The following TRAP1 variants were observed in gnomAD, a reference collection of about 807,000 sequenced individuals.
TRAP1 encodes heat shock protein 75 kDa, mitochondrial.
In TRAP1, 102 loss-of-function variants were observed where a neutral mutation model predicts 89.1. The ratio of observed to expected loss-of-function variants is 1.15; its 90% CI spans 0.98 to 1.35. The LOEUF (loss-of-function observed/expected upper bound fraction) is 1.35, where lower values mean the gene tolerates loss of function less well. Among genes scored for constraint, TRAP1 ranks in the 40% most tolerant of loss-of-function variants. TRAP1 has a pLI of 0.00. For synonymous variants in TRAP1, 508 were observed against 388.0 expected, an observed-to-expected ratio of 1.31 and a Z score of -3.64; for missense variants, 1,256 against 945.3, an observed-to-expected ratio of 1.33 and a Z score of -4.31.
intron 1 of TRAP1, among the ~76,000 whole-genome samples, chr16:3,713,747 A>C (rs1472031171): frequency 6.6e-6 from 1 of 152,150 alleles, no homozygotes; most frequent in Non-Finnish European, 1.5e-5. Context: ...TCTGCTGTTG[A>C]TCTTTCCAGG....
chr16:3,711,160 G>A (rs2051526617), intron 1 of TRAP1, among the ~76,000 whole-genome samples: 1 of 151,976 alleles, frequency 6.6e-6, no homozygotes, highest in South Asian at 2.1e-4. Flanking sequence ...ACAAGCATGA[G>A]CTACCAGGCC....
chr16:3,680,440 G>C (rs912942624), intron 4 of TRAP1, among the ~76,000 whole-genome samples: 1 of 152,222 alleles, frequency 6.6e-6, no homozygotes, highest in Non-Finnish European at 1.5e-5. Context: ...TGTGGTTCTG[G>C]GGAACAGTGA....
At chr16:3,691,961 C>T (rs190687039) in intron 1 of TRAP1, among the ~76,000 whole-genome samples, 87 of 152,160 alleles carry the variant, frequency 5.7e-4, no homozygotes, top group Admixed American at 4.6e-4. Context: ...CGCAGTTCAC[C>T]GACGCAGGCC....
rs144464337 is a variant in TRAP1, at chr16:3,658,039, G to A, written c.*90C>T. 1.7e-4 allele frequency: 268 copies of A among 1,607,568 alleles called. 1 individual carries two copies. Among genetic ancestry groups the A allele is most frequent in the Non-Finnish European group, 2.1e-4 (244 of 1,176,156 alleles). On this transcript the variant is annotated 3_prime_UTR_variant, in exon 18 of 18. Coordinates refer to ENST00000246957, the MANE Select transcript of TRAP1 (RefSeq NM_016292.3). ...CAGAAAAAAAGCCCAACACACACTC[G>A]GGTTAAGAAATACCTTTAAATTTAG...
Position 3,686,570 on chromosome 16 carries a change from G to A in TRAP1, c.331-434C>T, listed in dbSNP as rs569071263. On this transcript the variant is annotated intron_variant, in intron 3 of 17. Coordinates refer to ENST00000246957, the MANE Select transcript of TRAP1 (RefSeq NM_016292.3). Reference sequence around the variant, plus strand: ...AGGCTCAAGTGATCGTTGTGCCTCCGCCTCCCAAAGTGTTGGGATTACAGA... The same window carrying A: ...AGGCTCAAGTGATCGTTGTGCCTCCACCTCCCAAAGTGTTGGGATTACAGA... Among the ~76,000 whole-genome samples the A allele has an allele frequency of 2.0e-4, 31 of 152,268 alleles. 1 individual carries two copies. The highest frequency in any genetic ancestry group is 6.2e-4 in the South Asian group (3 of 4,820).
intron 5 of TRAP1, 80 bp downstream of exon 5, chr16:3,679,639 G>A (rs1034577821): frequency 6.9e-7 from 1 of 1,444,064 alleles, no homozygotes; most frequent in Admixed American, 1.7e-5. Context: ...TACTTAATCT[G>A]GCACCCAGGG....
intron 4 of TRAP1, among the ~76,000 whole-genome samples, chr16:3,684,161 ACT>A (rs2051109457): frequency 1.3e-5 from 2 of 151,988 alleles, no homozygotes; most frequent in African/African-American, 4.8e-5. Flanking sequence ...ATAAAATGAG[ACT>A]CTGTCTCAAA....
chr16:3,691,991 C>T (rs989755689), intron 1 of TRAP1, among the ~76,000 whole-genome samples: 3 of 152,142 alleles, frequency 2.0e-5, no homozygotes, highest in African/African-American at 7.2e-5. Context: ...GACACTTTCA[C>T]TCCAACACAG....
rs577251188 is a variant in TRAP1, at chr16:3,665,843, G to GGCAGCA, written c.1383+122_1383+127dup. The GGCAGCA allele has an allele frequency of 1.5e-3, 1,786 of 1,205,632 alleles. 35 individuals are homozygous for GGCAGCA. In the South Asian group the frequency reaches 0.026, roughly 18 times the overall value. 74.7% of individuals were successfully genotyped at this position (1,205,632 alleles called of 1,614,324 possible). ...TGGCCTTCCATTTCCTGACCCTGGT[G>GGCAGCA]GCAGCAGCAGCAGCAGCCAGGGTAC... On this transcript the variant is annotated intron_variant, in intron 12 of 17. Coordinates refer to ENST00000246957, the MANE Select transcript of TRAP1 (RefSeq NM_016292.3).
chr16:3,671,601 G>C, intron 11 of TRAP1, 121 bp downstream of exon 11: 1 of 1,069,586 alleles, frequency 9.3e-7, no homozygotes, highest in Non-Finnish European at 1.4e-6. Context: ...TGTGCAGGCC[G>C]GGCTTCCCCG....
chr16:3,710,861 A>G (rs1467082917), intron 1 of TRAP1, among the ~76,000 whole-genome samples: 5 of 130,954 alleles, frequency 3.8e-5, no homozygotes, highest in South Asian at 2.3e-4. Flanking sequence ...GTGTGTGTAT[A>G]TATATATATA....
chr16:3,699,098 T>G (rs116252659), intron 1 of TRAP1, among the ~76,000 whole-genome samples: 3,631 of 152,110 alleles, frequency 0.024, 125 homozygotes, highest in African/African-American at 0.079. Context: ...CACTGATAGT[T>G]TGAATGTGAC....
intron 1 of TRAP1, among the ~76,000 whole-genome samples, chr16:3,715,221 G>C (rs1435585955): frequency 6.6e-6 from 1 of 152,150 alleles, no homozygotes; most frequent in Non-Finnish European, 1.5e-5. Flanking sequence ...GGCGGATCAC[G>C]AGGTCAGGAG....
At chr16:3,672,616 G>C (rs1004870923) in intron 10 of TRAP1, 84 bp downstream of exon 10, 29 of 1,480,230 alleles carry the variant, frequency 2.0e-5, no homozygotes, top group Non-Finnish European at 2.6e-5. Flanking sequence ...GGGCTGCTGA[G>C]AATGGAATCA....
chr16:3,713,285 C>A (rs1382686482), intron 1 of TRAP1, among the ~76,000 whole-genome samples: 5 of 152,182 alleles, frequency 3.3e-5, no homozygotes, highest in African/African-American at 1.2e-4. Flanking sequence ...GGAGGCAAAA[C>A]CCGTCAACAA....
intron 3 of TRAP1, among the ~76,000 whole-genome samples, chr16:3,688,809 T>C (rs1159213259): frequency 2.0e-5 from 3 of 152,154 alleles, no homozygotes; most frequent in African/African-American, 4.8e-5. Context: ...TTTAAAATTA[T>C]TGGCAAAATT....
intron 1 of TRAP1, among the ~76,000 whole-genome samples, chr16:3,705,665 G>C (rs1376284069): frequency 1.3e-5 from 2 of 152,036 alleles, no homozygotes; most frequent in Non-Finnish European, 2.9e-5. Context: ...TTCATCAAAT[G>C]ATGGGCAACT....
chr16:3,671,814 T>G (rs527992847), intron 10 of TRAP1, 23 bp from the exon 11 acceptor site: 1 of 1,610,506 alleles, frequency 6.2e-7, no homozygotes, highest in East Asian at 2.2e-5. Flanking sequence ...GCAGTCAGCT[T>G]CTCCCGGGGC....
chr16:3,660,237 G>C (rs1474844754), intron 16 of TRAP1: 1 of 152,264 alleles, frequency 6.6e-6, no homozygotes, highest in Non-Finnish European at 1.5e-5. Flanking sequence ...AAATACAAAA[G>C]CCCTAATGCT....
Sources: gnomAD v4.1 joint callset for allele counts (sites outside exome capture counted in the v4.1 genomes callset) on GRCh38, gnomAD v4.1.1 for gene constraint, MANE v1.5 for transcripts, NCBI Gene and HGNC (gene_info 2026-07-23, HGNC 2026-07-21) for gene names.